SETD5: variants seen among roughly 807,000 people sequenced by gnomAD.
SETD5 encodes histone-lysine N-methyltransferase SETD5.
Under a neutral mutation model 153.3 loss-of-function variants are expected in SETD5, and 44 were observed. That is an observed-to-expected ratio of 0.29 (90% CI 0.23 to 0.37). The LOEUF (loss-of-function observed/expected upper bound fraction) is 0.37. Ranked by LOEUF, SETD5 falls within the 10% of genes least tolerant of loss-of-function variation. The pLI, the probability that SETD5 is intolerant of heterozygous loss-of-function variation, is 1.00. For missense variants in SETD5, 1,544 were observed against 1,768.0 expected (o/e 0.87, Z 2.27); for synonymous variants, 716 against 645.2 (o/e 1.11, Z -1.66).
At chr3:9,469,699 C>G (rs1329686734) in intron 18 of SETD5, among the ~76,000 whole-genome samples, 2 of 152,058 alleles carry the variant, frequency 1.3e-5, no homozygotes, top group African/African-American at 2.4e-5. Context: ...CTGTAGTTGA[C>G]CTAGTGTTGG....
chr3:9,445,719 G>A lies in SETD5; in HGVS notation c.1503G>A (p.Glu501=), dbSNP rs779153705. The A allele has an allele frequency of 2.5e-6, 4 of 1,613,322 alleles. No individual in the cohort carries two copies. Among genetic ancestry groups the A allele is most frequent in the East Asian group, 2.2e-5 (1 of 44,852 alleles). ...EEKEEVIDDQ[E]NLAHSRRTRE... is the part of the protein sequence containing the mutation. The stretch of plus-strand genomic sequence containing the variant: ...AAGAAGAGGTTATAGATGACCAGGA[G>A]AACCTAGCTCATAGCAGGAGGGTGA... The change falls in exon 13 of 23, where the codon GAG becomes GAA. Residue 501 remains glutamate, a synonymous_variant. Transcript: ENST00000402198.
At chr3:9,464,786 C>T in intron 18 of SETD5, 114 bp downstream of exon 18, 1 of 1,531,684 alleles carries the variant, frequency 6.5e-7, no homozygotes, top group Non-Finnish European at 8.9e-7. Context: ...TTCCCCATCT[C>T]AGTAAGAGAA....
At chr3:9,452,727 A>C (rs1287500081) in intron 16 of SETD5, among the ~76,000 whole-genome samples, 2 of 144,958 alleles carry the variant, frequency 1.4e-5, no homozygotes, top group African/African-American at 2.7e-5. Flanking sequence ...CTAAGAGGGA[A>C]AATCTATGAG....
At chr3:9,433,489 C>T in intron 3 of SETD5, 1 of 1,290,838 alleles carries the variant, frequency 7.7e-7, no homozygotes, top group Non-Finnish European at 1.0e-6. Flanking sequence ...ATTAAGAGAT[C>T]CAATTAAGAA....
At chr3:9,447,445 G>C (rs917072398) in intron 14 of SETD5, 138 bp downstream of exon 14, 1 of 1,284,924 alleles carries the variant, frequency 7.8e-7, no homozygotes, top group Admixed American at 2.3e-5. Context: ...TGTTTAACTG[G>C]AACCATTTCA....
At chr3:9,418,374 A>G (rs1445970663) in intron 1 of SETD5, among the ~76,000 whole-genome samples, 1 of 152,184 alleles carries the variant, frequency 6.6e-6, no homozygotes, top group Non-Finnish European at 1.5e-5. Flanking sequence ...AGTGCGGTCT[A>G]TTAAAAGAAT....
chr3:9,433,621 C>T, intron 3 of SETD5: 2 of 1,045,770 alleles, frequency 1.9e-6, no homozygotes, highest in Non-Finnish European at 2.6e-6. Context: ...CTTCAGACAT[C>T]TGCCTGTACT....
At chr3:9,423,077 G>T (rs1357170038) in intron 1 of SETD5, 1 of 152,222 alleles carries the variant, frequency 6.6e-6, no homozygotes, top group Admixed American at 6.5e-5. Flanking sequence ...CCTGTCTGAT[G>T]CAATTTCTTC....
chr3:9,417,514 C>A (rs924821500), intron 1 of SETD5, among the ~76,000 whole-genome samples: 1 of 150,464 alleles, frequency 6.6e-6, no homozygotes, highest in Non-Finnish European at 1.5e-5. Flanking sequence ...GAGACGGAGT[C>A]TCGCTCTATC....
chr3:9,414,618 T>G (rs2037137926), intron 1 of SETD5, among the ~76,000 whole-genome samples: 1 of 152,154 alleles, frequency 6.6e-6, no homozygotes, highest in South Asian at 2.1e-4. Flanking sequence ...CTTAAGGACA[T>G]AAAATGGAAG....
chr3:9,421,742 CA>C, intron 1 of SETD5, among the ~76,000 whole-genome samples: 1 of 152,170 alleles, frequency 6.6e-6, no homozygotes, highest in Admixed American at 6.5e-5. Context: ...GAAATATTCC[CA>C]AAAAGTGTTT....
Position 9,448,428 on chromosome 3 carries a change from A to C in SETD5, c.2144A>C (p.Gln715Pro). The change falls in exon 16 of 23, where the codon CAA becomes CCA. Residue 715 changes from glutamine (Q) to proline (P), a missense_variant. Coordinates refer to ENST00000402198, the MANE Select transcript of SETD5 (RefSeq NM_001080517.3). Reference sequence around the variant, plus strand: ...TGGTTGAATGACAAAGCAGAGAAGCAAGAGTGCCCTGTTGAGTGCCCTTTA... The same window carrying C: ...TGGTTGAATGACAAAGCAGAGAAGCCAGAGTGCCCTGTTGAGTGCCCTTTA... Reference protein sequence around the residue: ...TEWLNDKAEKQECPVECPLRI... With the variant: ...TEWLNDKAEKPECPVECPLRI... 1 of 1,614,012 alleles carries C rather than the reference A, an allele frequency of 6.2e-7. No individual in the cohort carries two copies. The highest frequency in any genetic ancestry group is 8.5e-7 in the Non-Finnish European group (1 of 1,179,862).
chr3:9,443,850 G>A (rs2041602325), intron 11 of SETD5, among the ~76,000 whole-genome samples: 1 of 152,148 alleles, frequency 6.6e-6, no homozygotes, highest in Non-Finnish European at 1.5e-5. Flanking sequence ...CGGATCACGA[G>A]GTCAGGAGAT....
chr3:9,429,983 A>G, intron 3 of SETD5: 1 of 1,255,448 alleles, frequency 8.0e-7, no homozygotes, highest in Non-Finnish European at 1.0e-6. Flanking sequence ...GGGCTGGAAA[A>G]ATCCTGGTGT....
In SETD5 at chr3:9,470,625, A is replaced by T; in HGVS notation, c.2891A>T (p.Asp964Val). 6.2e-7 allele frequency: 1 copy of T among 1,613,894 alleles called. No homozygotes were observed. Among genetic ancestry groups the T allele is most frequent in the Non-Finnish European group, 8.5e-7 (1 of 1,179,860 alleles). ...SETGFPSRSG[D>V]GHQTLVRNSD... Reference sequence around the variant, plus strand: ...ACTGGTTTCCCAAGCAGAAGTGGAGATGGACATCAGACCCTCGTGAGAAAC... The same window carrying T: ...ACTGGTTTCCCAAGCAGAAGTGGAGTTGGACATCAGACCCTCGTGAGAAAC... The change falls in exon 19 of 23, where the codon GAT (aspartate) becomes GTT (valine). Residue 964 changes from aspartate (D) to valine (V), a missense_variant. Coordinates refer to ENST00000402198, the MANE Select transcript of SETD5 (RefSeq NM_001080517.3).
chr3:9,441,807 A>C (rs1187739815), intron 9 of SETD5, 66 bp downstream of exon 9: 1 of 1,595,760 alleles, frequency 6.3e-7, no homozygotes, highest in African/African-American at 1.3e-5. Flanking sequence ...TTGTTGTAAA[A>C]ATCATTCTGT....
chr3:9,403,938 A>G (rs1653629689), intron 1 of SETD5, among the ~76,000 whole-genome samples: 1 of 152,202 alleles, frequency 6.6e-6, no homozygotes, highest in Admixed American at 6.5e-5. Context: ...AAAATAAAGA[A>G]TTTCATTTAT....
chr3:9,411,308 A>AT (rs748369231), intron 1 of SETD5, among the ~76,000 whole-genome samples: 7 of 152,164 alleles, frequency 4.6e-5, no homozygotes, highest in African/African-American at 1.7e-4. Context: ...GATGTCATAT[A>AT]TTTTTTAACT....
chr3:9,464,279 AT>A, intron 17 of SETD5, 145 bp from the exon 18 acceptor site: 1 of 1,044,584 alleles, frequency 9.6e-7, no homozygotes. Context: ...TTTCTTTGGG[AT>A]TTTGGTTGGA....
Sources: allele counts gnomAD v4.1 joint callset (sites outside exome capture counted in the v4.1 genomes callset), GRCh38; gene constraint gnomAD v4.1.1; transcripts MANE v1.5; gene names NCBI Gene and HGNC (gene_info 2026-07-23, HGNC 2026-07-21).